The following GSE1 variants were observed in gnomAD, a reference collection of about 807,000 sequenced individuals.
GSE1 encodes the protein Gse1 coiled-coil protein, also known as genetic suppressor element 1.
A neutral mutation model predicts 112.6 loss-of-function variants in GSE1; 32 were observed. That is an observed-to-expected ratio of 0.28 (90% CI 0.21 to 0.38). The LOEUF (loss-of-function observed/expected upper bound fraction) is 0.38. GSE1 is among the 10% of genes least tolerant of loss of function. The pLI, the probability that GSE1 is intolerant of heterozygous loss-of-function variation, is 1.00. For missense variants in GSE1, 2,348 were observed against 1,699.2 expected (o/e 1.38, Z -6.71); for synonymous variants, 1,115 against 735.6 (o/e 1.52, Z -8.35).
At chr16:85,194,869 AT>A (rs940133190) in intron 1 of GSE1, among the ~76,000 whole-genome samples, 3 of 151,430 alleles carry the variant, frequency 2.0e-5, no homozygotes, top group East Asian at 1.9e-4. Context: ...AGGTCTGTGT[AT>A]TTTTTTTTAA....
chr16:85,466,168 C>T (rs1051224899), intron 2 of GSE1, among the ~76,000 whole-genome samples: 8 of 152,204 alleles, frequency 5.3e-5, no homozygotes, highest in Non-Finnish European at 8.8e-5. Context: ...AGGACAAGGG[C>T]GGCTCATCCC....
Position 85,672,593 on chromosome 16 carries a change from T to G in GSE1, c.*54T>G. The G allele has an allele frequency of 8.1e-7, 1 of 1,235,578 alleles. No homozygotes were observed. Among genetic ancestry groups the G allele is most frequent in the Non-Finnish European group, 1.1e-6 (1 of 898,400 alleles). The allele number at this position is 1,235,578 out of a possible 1,614,324, so 76.5% of individuals were successfully genotyped here. A position where few individuals can be genotyped will look rare whatever the true frequency, so the allele number is the denominator to read the frequency against. On this transcript the variant is annotated 3_prime_UTR_variant, in exon 16 of 16. Coordinates refer to ENST00000253458, the MANE Select transcript of GSE1 (RefSeq NM_014615.5). ...TAGTATAGAAATATTATCTATTTTATTACCTTGAATATTTAATATTTTTCA... is the reference window on the plus strand; with the variant it reads ...TAGTATAGAAATATTATCTATTTTAGTACCTTGAATATTTAATATTTTTCA...
chr16:85,581,594 A>G (rs2046451249), intron 1 of GSE1, among the ~76,000 whole-genome samples: 1 of 152,148 alleles, frequency 6.6e-6, no homozygotes, highest in African/African-American at 2.4e-5. Flanking sequence ...CTTCCGTAGA[A>G]GTTCAGCATG....
intron 2 of GSE1, among the ~76,000 whole-genome samples, chr16:85,501,628 C>G (rs1028398268): frequency 4.0e-5 from 6 of 151,426 alleles, no homozygotes; most frequent in African/African-American, 1.5e-4. Flanking sequence ...CCCCTGGCCT[C>G]GGCAACCCTC....
At position 85,661,726 on chromosome 16, in the gene GSE1, G is replaced by A. The variant is rs968654607; in HGVS notation, c.2221G>A (p.Asp741Asn). The change falls in exon 9 of 16, where the codon GAC (aspartate) becomes AAC (asparagine). Residue 741 changes from aspartate to asparagine, a missense_variant. Coordinates refer to ENST00000253458, the MANE Select transcript of GSE1 (RefSeq NM_014615.5). ...QQRRRLVSKL[D>N]LEERRRREAQ... ...GCGCCGGAGGCTGGTCAGCAAGCTG[G>A]ACCTGGAGGAGCGCAGGCGGCGGGA... is the stretch of plus-strand genomic sequence containing the variant. The A allele has an allele frequency of 6.3e-7, 1 of 1,581,050 alleles. No individual in the cohort carries two copies. Among genetic ancestry groups the A allele is most frequent in the African/African-American group, 1.3e-5 (1 of 74,268 alleles).
At chr16:85,663,635 G>T in intron 11 of GSE1, 21 bp downstream of exon 11, 1 of 1,599,112 alleles carries the variant, frequency 6.3e-7, no homozygotes, top group Non-Finnish European at 8.5e-7. Flanking sequence ...GCCTGGGTAG[G>T]AAGGTGGGGG....
intron 1 of GSE1, among the ~76,000 whole-genome samples, chr16:85,347,795 C>T (rs370492633): frequency 5.6e-4 from 83 of 149,544 alleles, no homozygotes; most frequent in African/African-American, 1.9e-3. Context: ...GCCATCTTTG[C>T]CACAAGCTTC....
At chr16:85,200,634 C>A (rs2075010349) in intron 1 of GSE1, among the ~76,000 whole-genome samples, 1 of 152,134 alleles carries the variant, frequency 6.6e-6, no homozygotes, top group African/African-American at 2.4e-5. Flanking sequence ...CAATGAATCA[C>A]CCCAAGAGGA....
Position 85,311,641 on chromosome 16 carries a change from T to C in GSE1, c.2284-45822T>C, listed in dbSNP as rs76757080. Among the ~76,000 whole-genome samples the C allele has an allele frequency of 3.9e-5, 6 of 152,146 alleles. No homozygotes were observed. Among genetic ancestry groups the C allele is most frequent in the African/African-American group, 9.7e-5 (4 of 41,448 alleles). On this transcript the variant is annotated intron_variant, in intron 1 of 2. Coordinates refer to the GSE1 transcript ENST00000637419. The surrounding 1 kb of genome is among the most constrained non-coding windows in gnomAD (Gnocchi z 4.2). ...CCTGGGGGTCCTTCTCCAGGGCCCCTTGGGCTGTGTACCTGGGCCTGGTGG... is the reference window on the plus strand; with the variant it reads ...CCTGGGGGTCCTTCTCCAGGGCCCCCTGGGCTGTGTACCTGGGCCTGGTGG...
chr16:85,657,175 G>A (rs974550756), intron 7 of GSE1, 102 bp from the exon 8 acceptor site: 7 of 801,550 alleles, frequency 8.7e-6, no homozygotes, highest in Non-Finnish European at 1.2e-5. Flanking sequence ...GAACCCTTTG[G>A]AAGGGCTCTG....
At chr16:85,505,992 C>T (rs1210841984) in intron 2 of GSE1, among the ~76,000 whole-genome samples, 2 of 152,000 alleles carry the variant, frequency 1.3e-5, no homozygotes, top group East Asian at 3.9e-4. Flanking sequence ...CCTGGTGCCA[C>T]CCTAAACATC....
chr16:85,325,215 C>T (rs562437515), intron 1 of GSE1, among the ~76,000 whole-genome samples: 48 of 152,128 alleles, frequency 3.2e-4, no homozygotes, highest in African/African-American at 1.1e-3. Flanking sequence ...GTGATCCTCC[C>T]ACCTCAGTCT....
intron 2 of GSE1, among the ~76,000 whole-genome samples, chr16:85,547,355 C>T (rs1019001937): frequency 1.3e-5 from 2 of 152,226 alleles, no homozygotes; most frequent in Non-Finnish European, 2.9e-5. Context: ...CATGCTCCCT[C>T]TGGAGGCTCC....
intron 1 of GSE1, among the ~76,000 whole-genome samples, chr16:85,262,849 G>T (rs1907846505): frequency 6.6e-6 from 1 of 152,184 alleles, no homozygotes; most frequent in African/African-American, 2.4e-5. Context: ...AAAGAACTCG[G>T]CGAGCCTCTG....
intron 1 of GSE1, among the ~76,000 whole-genome samples, chr16:85,348,981 G>A (rs963417552): frequency 1.6e-4 from 24 of 151,826 alleles, no homozygotes; most frequent in African/African-American, 5.6e-4. Flanking sequence ...AACCCCAGCC[G>A]GGAGCGCTGC....
At chr16:85,521,078 A>G (rs1338233258) in intron 2 of GSE1, among the ~76,000 whole-genome samples, 1 of 151,364 alleles carries the variant, frequency 6.6e-6, no homozygotes, top group Non-Finnish European at 1.5e-5. Flanking sequence ...GATCTCAGGG[A>G]TCAACATGCT....
intron 1 of GSE1, among the ~76,000 whole-genome samples, chr16:85,310,599 C>T (rs983812101): frequency 3.1e-4 from 47 of 151,912 alleles, no homozygotes; most frequent in African/African-American, 1.1e-3. Context: ...TCCCTTTGAG[C>T]CCCTCTCCCT....
Position 85,180,726 on chromosome 16 carries a change from C to G in GSE1, c.2283+8919C>G, listed in dbSNP as rs368352803. 4.3e-4 allele frequency among the ~76,000 whole-genome samples: 66 copies of G among 152,362 alleles called. 1 individual carries two copies. In the East Asian group the frequency reaches 0.012, roughly 27 times the overall value. On this transcript the variant is annotated intron_variant, in intron 1 of 2. Transcript: ENST00000637419. ...AGGCTGCCTGGCTCCAGCGTCTGCA[C>G]TCTGCCATGCTCATCACACCCATCC... is the stretch of plus-strand genomic sequence containing the variant.
At chr16:85,666,396 G>A in intron 13 of GSE1, 49 bp downstream of exon 13, 1 of 1,604,428 alleles carries the variant, frequency 6.2e-7, no homozygotes, top group Non-Finnish European at 8.5e-7. Context: ...GGTTGAGGCT[G>A]ACCAAAGTTG....
Sources: gnomAD v4.1 joint callset for allele counts (sites outside exome capture counted in the v4.1 genomes callset) on GRCh38, gnomAD v4.1.1 for gene constraint, Gnocchi (gnomAD v3.1) non-coding constraint, MANE v1.5 for transcripts, NCBI Gene and HGNC (gene_info 2026-07-23, HGNC 2026-07-21) for gene names.